Variants in NTM observed in about 807,000 individuals in gnomAD.
The protein encoded by NTM is neurotrimin.
Under a neutral mutation model 42.1 loss-of-function variants are expected in NTM, and 13 were observed. The observed-to-expected ratio is 0.31, with a 90% CI of 0.20 to 0.49. The LOEUF is 0.49. Among genes scored for constraint, NTM ranks in the 20% least tolerant of loss-of-function variants. The probability of loss-of-function intolerance (pLI) is 0.99; values close to 1 mark genes in which losing one functional copy is unlikely to be tolerated. For synonymous variants in NTM, 187 were observed against 179.2 expected (o/e 1.04, Z -0.35); for missense variants, 373 against 452.8 (o/e 0.82, Z 1.60).
intron 4 of NTM, among the ~76,000 whole-genome samples, chr11:132,221,443 C>A (rs532359454): frequency 1.1e-4 from 16 of 152,246 alleles, no homozygotes; most frequent in African/African-American, 3.1e-4. Flanking sequence ...GCTAATGTGG[C>A]ACAGTGCCAC....
intron 1 of NTM, among the ~76,000 whole-genome samples, chr11:131,633,684 TCTCTCTCTCC>T (rs2063951585): frequency 8.3e-6 from 1 of 120,826 alleles, no homozygotes; most frequent in African/African-American, 3.2e-5. Context: ...CCTCCCTCTC[TCTCTCTCTCC>T]CTCCCTCTCT....
At chr11:132,161,059 G>A (rs973605892) in intron 3 of NTM, among the ~76,000 whole-genome samples, 1 of 152,210 alleles carries the variant, frequency 6.6e-6, no homozygotes, top group Non-Finnish European at 1.5e-5. Context: ...AGGGTATCTG[G>A]GAGCAATGCA....
chr11:131,613,928 C>T (rs551415296), intron 1 of NTM, among the ~76,000 whole-genome samples: 19 of 152,342 alleles, frequency 1.2e-4, no homozygotes, highest in Admixed American at 1.0e-3. Flanking sequence ...CTCCTACTCC[C>T]GGCTGCCTCC....
chr11:131,925,534 T>G (rs1337773922), intron 2 of NTM, among the ~76,000 whole-genome samples: 1 of 151,978 alleles, frequency 6.6e-6, no homozygotes, highest in Non-Finnish European at 1.5e-5. Flanking sequence ...CACAGGTACA[T>G]GCCACCATGC....
intron 1 of NTM, among the ~76,000 whole-genome samples, chr11:131,860,500 T>C (rs1293162753): frequency 1.3e-5 from 2 of 152,230 alleles, no homozygotes; most frequent in Non-Finnish European, 2.9e-5. Flanking sequence ...AGGTCTTAAC[T>C]GGACGCTGGT....
At chr11:131,631,637 A>G (rs904181209) in intron 1 of NTM, among the ~76,000 whole-genome samples, 1 of 152,178 alleles carries the variant, frequency 6.6e-6, no homozygotes, top group Admixed American at 6.5e-5. Context: ...ATTGGCATTC[A>G]CTTTCATTTC....
intron 2 of NTM, among the ~76,000 whole-genome samples, chr11:131,965,337 A>G (rs7111797): frequency 0.61 from 91,846 of 151,808 alleles, 28,021 homozygotes; most frequent in East Asian, 0.93. Flanking sequence ...CGTCTCCTGG[A>G]AAGCAGACAA....
At chr11:132,153,347 G>A (rs545207870) in intron 3 of NTM, among the ~76,000 whole-genome samples, 44 of 152,318 alleles carry the variant, frequency 2.9e-4, no homozygotes, top group Non-Finnish European at 5.1e-4. Context: ...ATTCCCATAT[G>A]AGAGTGCTGA....
At chr11:132,196,382 G>C (rs531876471) in intron 3 of NTM, among the ~76,000 whole-genome samples, 1 of 152,264 alleles carries the variant, frequency 6.6e-6, no homozygotes, top group Admixed American at 6.5e-5. Context: ...GTGGAAAGCA[G>C]TGTGGAGATT....
intron 2 of NTM, among the ~76,000 whole-genome samples, chr11:131,940,732 T>G (rs2059704956): frequency 1.3e-5 from 2 of 152,210 alleles, no homozygotes; most frequent in Non-Finnish European, 2.9e-5. Context: ...ATACCAGACA[T>G]GGGGATCCAC....
intron 1 of NTM, among the ~76,000 whole-genome samples, chr11:131,442,578 C>G (rs1228622990): frequency 6.6e-6 from 1 of 152,082 alleles, no homozygotes; most frequent in Non-Finnish European, 1.5e-5. Flanking sequence ...TTCCCATCTT[C>G]CCCCCTTTTG....
chr11:131,431,040 G>T (rs756217802), intron 1 of NTM, among the ~76,000 whole-genome samples: 2 of 152,232 alleles, frequency 1.3e-5, no homozygotes, highest in Admixed American at 6.5e-5. Context: ...ATTTGCAGCC[G>T]TTCCACACAG....
chr11:132,165,689 C>A (rs1427412266), intron 3 of NTM, among the ~76,000 whole-genome samples: 3 of 152,102 alleles, frequency 2.0e-5, no homozygotes, highest in African/African-American at 7.2e-5. Context: ...GGGGCTTGAA[C>A]CCTTATCTAC....
intron 1 of NTM, among the ~76,000 whole-genome samples, chr11:131,566,435 G>A (rs200295286): frequency 0.58 from 80,475 of 139,290 alleles, 21,669 homozygotes; most frequent in South Asian, 0.69. Flanking sequence ...CGATGTGCGT[G>A]TGTGTGTGTG....
chr11:132,018,579 C>T (rs2073823383), intron 2 of NTM, among the ~76,000 whole-genome samples: 1 of 151,946 alleles, frequency 6.6e-6, no homozygotes, highest in South Asian at 2.1e-4. Context: ...ATAAGTCCCA[C>T]TTAGCATGGG....
chr11:131,632,875 G>A (rs569645327), intron 1 of NTM, among the ~76,000 whole-genome samples: 7 of 147,434 alleles, frequency 4.7e-5, no homozygotes, highest in African/African-American at 8.0e-5. Flanking sequence ...GGGTTTCACC[G>A]TGTTAGCCAG....
intron 1 of NTM, among the ~76,000 whole-genome samples, chr11:131,741,857 A>T (rs1322849330): frequency 6.6e-6 from 1 of 152,212 alleles, no homozygotes; most frequent in African/African-American, 2.4e-5. Context: ...GGATAAAGAA[A>T]ATGTGGTACA....
intron 2 of NTM, among the ~76,000 whole-genome samples, chr11:131,993,303 G>A (rs1358221070): frequency 6.6e-6 from 1 of 152,076 alleles, no homozygotes; most frequent in East Asian, 1.9e-4. Flanking sequence ...AGAGAGGAGG[G>A]CTATCGGGAA....
At chr11:131,405,809 T>G (rs936371725) in intron 1 of NTM, among the ~76,000 whole-genome samples, 2 of 152,166 alleles carry the variant, frequency 1.3e-5, no homozygotes, top group African/African-American at 4.8e-5. Context: ...ATCCCCATCT[T>G]CCTCAGTGAG....
Sources: gnomAD v4.1 joint callset for allele counts (sites outside exome capture counted in the v4.1 genomes callset) on GRCh38, gnomAD v4.1.1 for gene constraint, MANE v1.5 for transcripts, NCBI Gene and HGNC (gene_info 2026-07-23, HGNC 2026-07-21) for gene names.